The following FNIP2 variants were observed in gnomAD, a reference collection of about 807,000 sequenced individuals.
The protein encoded by FNIP2 is folliculin-interacting protein 2.
Under a neutral mutation model 108.7 loss-of-function variants are expected in FNIP2, and 32 were observed. That is an observed-to-expected ratio of 0.29 (90% CI 0.22 to 0.40). The LOEUF (loss-of-function observed/expected upper bound fraction) is 0.40. Ranked by LOEUF, FNIP2 falls within the 10% of genes least tolerant of loss-of-function variation. The pLI is 1.00. For missense variants in FNIP2, 1,202 were observed against 1,381.6 expected (o/e 0.87, Z 2.06); for synonymous variants, 480 against 496.7 (o/e 0.97, Z 0.45).
chr4:158,869,386 A>G lies in FNIP2; in HGVS notation c.2750A>G (p.Asp917Gly). Residue 917 changes from aspartate to glycine, a missense_variant, in exon 13 of 17, where the codon GAC becomes GGC. By Grantham distance (94) the Asp-to-Gly change is moderately conservative (BLOSUM62 -1). Around this residue, in one of 5 missense-constraint regions of FNIP2, gnomAD observed 878 missense variants for 990.3 expected, o/e 0.89. Coordinates refer to ENST00000264433, the MANE Select transcript of FNIP2 (RefSeq NM_020840.3). The part of the protein sequence containing the change: ...SAMLDLGHGG[D>G]RTGGSLEVEL... Reference sequence around the variant, plus strand: ...ATGCTAGATCTGGGTCACGGTGGTGACAGGACTGGAGGGTCCTTGGAAGTG... The same window carrying G: ...ATGCTAGATCTGGGTCACGGTGGTGGCAGGACTGGAGGGTCCTTGGAAGTG... The G allele has an allele frequency of 6.2e-7, 1 of 1,610,014 alleles. No individual in the cohort carries two copies. Among genetic ancestry groups the G allele is most frequent in the South Asian group, 1.1e-5 (1 of 90,246 alleles).
intron 14 of FNIP2, among the ~76,000 whole-genome samples, chr4:158,884,415 C>A (rs1781901756): frequency 6.6e-6 from 1 of 152,172 alleles, no homozygotes; most frequent in Non-Finnish European, 1.5e-5. Context: ...CAAGTTAAGA[C>A]AGTGTGTGAT....
chr4:158,869,534 A>G (rs1780808776), intron 13 of FNIP2, 106 bp downstream of exon 13: 1 of 1,377,998 alleles, frequency 7.3e-7, no homozygotes, highest in African/African-American at 1.5e-5. Context: ...CTTTACACAC[A>G]GTATCTTTTT....
chr4:158,778,046 C>T (rs1183668460), intron 1 of FNIP2, among the ~76,000 whole-genome samples: 4 of 152,182 alleles, frequency 2.6e-5, no homozygotes, highest in Non-Finnish European at 5.9e-5. Context: ...CTAAAAGTTG[C>T]TTTGTATTCC....
rs34044894 is a variant in FNIP2, at chr4:158,858,660, C to T, written c.858-397C>T. Among the ~76,000 whole-genome samples the T allele has an allele frequency of 4.7e-3, 720 of 152,248 alleles. 3 individuals are homozygous for T. In the Middle Eastern group the frequency reaches 0.051, roughly 11 times the overall value. On this transcript the variant is annotated intron_variant, in intron 8 of 16. Transcript: ENST00000264433. ...ACCAGTACATGTTCAAATGTTTACTCTTGTTCAATAGAATACCACGTAGTA... is the reference window on the plus strand; with the variant it reads ...ACCAGTACATGTTCAAATGTTTACTTTTGTTCAATAGAATACCACGTAGTA...
chr4:158,789,965 A>G (rs968464101), intron 1 of FNIP2, among the ~76,000 whole-genome samples: 19 of 152,132 alleles, frequency 1.2e-4, no homozygotes, highest in African/African-American at 3.9e-4. Flanking sequence ...ATACTAGGGA[A>G]TAACTTTTGA....
intron 1 of FNIP2, among the ~76,000 whole-genome samples, chr4:158,780,766 C>T (rs1776015024): frequency 6.6e-6 from 1 of 152,188 alleles, no homozygotes; most frequent in African/African-American, 2.4e-5. Context: ...AGTGCGGTGG[C>T]TCACGCCTAT....
intron 12 of FNIP2, among the ~76,000 whole-genome samples, chr4:158,865,720 A>G (rs1780539617): frequency 6.6e-6 from 1 of 152,204 alleles, no homozygotes; most frequent in Non-Finnish European, 1.5e-5. Flanking sequence ...GGCAATAGGC[A>G]GATGTAATCA....
Position 158,856,969 on chromosome 4 carries a change from G to A in FNIP2, c.858-2088G>A, listed in dbSNP as rs151309922. On this transcript the variant is annotated intron_variant, in intron 8 of 16. Coordinates refer to ENST00000264433, the MANE Select transcript of FNIP2 (RefSeq NM_020840.3). Reference sequence around the variant, plus strand: ...ATGCAAGACTACAGAATGAAACTCAGTTGATTTAGAATTCAGTGGAGGGTT... The same window carrying A: ...ATGCAAGACTACAGAATGAAACTCAATTGATTTAGAATTCAGTGGAGGGTT... Among the ~76,000 whole-genome samples, 6 of 152,322 alleles carry A rather than the reference G, an allele frequency of 3.9e-5. No individual in the cohort carries two copies. The East Asian group carries it at 9.6e-4, about 24-fold the overall frequency.
intron 1 of FNIP2, among the ~76,000 whole-genome samples, chr4:158,799,993 T>C (rs1229110719): frequency 6.6e-6 from 1 of 152,184 alleles, no homozygotes; most frequent in Non-Finnish European, 1.5e-5. Flanking sequence ...CCTTTTCTTG[T>C]GGGTGGAGAG....
rs554166313 is a variant in FNIP2 at position 158,771,087 on chromosome 4, TGAA to T, written c.107+1772_107+1774del. Among the ~76,000 whole-genome samples, 9 of 152,372 alleles carry T rather than the reference TGAA, an allele frequency of 5.9e-5. No homozygotes were observed. In the South Asian group the frequency reaches 1.9e-3, roughly 32 times the overall value. On this transcript the variant is annotated intron_variant, in intron 1 of 16. Transcript: ENST00000264433. ...GTTCTGACTTCTCATTTGTGTATAA[TGAA>T]GAACAGAAAATCGTGCCAAGTACGG...
intron 1 of FNIP2, among the ~76,000 whole-genome samples, chr4:158,798,799 G>C (rs1156684980): frequency 1.3e-5 from 2 of 152,158 alleles, no homozygotes; most frequent in Admixed American, 6.5e-5. Flanking sequence ...TTATAACACA[G>C]ATTAATGAAT....
At chr4:158,775,305 C>A (rs1172344463) in intron 1 of FNIP2, among the ~76,000 whole-genome samples, 1 of 152,146 alleles carries the variant, frequency 6.6e-6, no homozygotes, top group Non-Finnish European at 1.5e-5. Flanking sequence ...ACTATGAGAT[C>A]ATATACTTGG....
intron 1 of FNIP2, among the ~76,000 whole-genome samples, chr4:158,787,774 A>G (rs1161921323): frequency 6.6e-6 from 1 of 152,206 alleles, no homozygotes; most frequent in Non-Finnish European, 1.5e-5. Context: ...ACTGAGACGT[A>G]AATTATGTAA....
chr4:158,800,486 C>T (rs2126474941), intron 1 of FNIP2, among the ~76,000 whole-genome samples: 1 of 152,184 alleles, frequency 6.6e-6, no homozygotes, highest in African/African-American at 2.4e-5. Context: ...ATTGTTTTGC[C>T]TCTGATGATT....
intron 1 of FNIP2, among the ~76,000 whole-genome samples, chr4:158,790,561 C>T (rs1776378261): frequency 6.6e-6 from 1 of 151,950 alleles, no homozygotes; most frequent in South Asian, 2.1e-4. Context: ...GGACCAGCCA[C>T]GTAATGAGAT....
At chr4:158,882,398 G>C (rs1210112881) in intron 14 of FNIP2, among the ~76,000 whole-genome samples, 1 of 150,224 alleles carries the variant, frequency 6.7e-6, no homozygotes, top group Non-Finnish European at 1.5e-5. Flanking sequence ...CCTCCGCCCG[G>C]CCACCACCCC....
chr4:158,868,664 G>C lies in FNIP2; in HGVS notation c.2028G>C (p.Lys676Asn). 6.2e-7 allele frequency: 1 copy of C among 1,614,052 alleles called. No individual in the cohort carries two copies. The highest frequency in any genetic ancestry group is 8.5e-7 in the Non-Finnish European group (1 of 1,179,900). Residue 676 changes from lysine (K) to asparagine (N), a missense_variant, in exon 13 of 17, where the codon AAG (lysine) becomes AAC (asparagine). Lys to Asn is a moderately conservative substitution (Grantham distance 94). Coordinates refer to ENST00000264433, the MANE Select transcript of FNIP2 (RefSeq NM_020840.3). This position sits in a 1 kb window ranked among gnomAD's most constrained non-coding sequence, Gnocchi z 4.6. ...PSCEVLGAGM[K>N]MDQQAVCELL... ...GTGAAGTTTTGGGGGCAGGAATGAA[G>C]ATGGACCAGCAAGCTGTCTGTGAGC... is the stretch of plus-strand genomic sequence containing the variant.
chr4:158,811,555 T>TAATAA (rs1553956224), intron 1 of FNIP2, among the ~76,000 whole-genome samples: 14 of 151,356 alleles, frequency 9.2e-5, no homozygotes, highest in Admixed American at 5.3e-4. Flanking sequence ...ATAATATTAA[T>TAATAA]TAATAATAAT....
intron 14 of FNIP2, among the ~76,000 whole-genome samples, chr4:158,883,113 A>C (rs4600878): frequency 0.35 from 52,583 of 148,756 alleles, 9,885 homozygotes; most frequent in Non-Finnish European, 0.45. Context: ...AACACACACA[A>C]AAAAAAAATG....
Sources: allele counts gnomAD v4.1 joint callset (sites outside exome capture counted in the v4.1 genomes callset), GRCh38; gene constraint gnomAD v4.1.1; regional missense constraint gnomAD v4.1.1; non-coding constraint Gnocchi (gnomAD v3.1); transcripts MANE v1.5; gene names NCBI Gene and HGNC (gene_info 2026-07-23, HGNC 2026-07-21).